GRID2: variants seen among roughly 807,000 people sequenced by gnomAD.
GRID2 encodes the protein glutamate ionotropic receptor delta type subunit 2.
GRID2 carries 33 observed loss-of-function variants against 114.8 expected under a neutral mutation model. The observed-to-expected ratio is 0.29, with a 90% CI of 0.22 to 0.38. The LOEUF is 0.38. GRID2 is among the 10% of genes least tolerant of loss of function. GRID2 has a pLI of 1.00. For missense variants in GRID2, 1,184 were observed against 1,257.7 expected (o/e 0.94, Z 0.89); for synonymous variants, 505 against 449.9 (o/e 1.12, Z -1.55).
chr4:92,589,549 T>C (rs1364853610), intron 1 of GRID2, among the ~76,000 whole-genome samples: 1 of 152,216 alleles, frequency 6.6e-6, no homozygotes, highest in East Asian at 1.9e-4. Flanking sequence ...ATTAGTTCCT[T>C]GAGAAATATT....
At chr4:92,711,732 G>C (rs1735264004) in intron 2 of GRID2, among the ~76,000 whole-genome samples, 1 of 151,982 alleles carries the variant, frequency 6.6e-6, no homozygotes, top group Non-Finnish European at 1.5e-5. Context: ...GTAAAACTCT[G>C]TCTTTACAAA....
rs1420835460 is a variant in GRID2, at chr4:93,229,145, TA to T, written c.1125+4375del. ...TTTGTCTCACATTTCAAACTGACTT[TA>T]AAAATGGATTTTTAGAAAAAAAAAT... On this transcript the variant is annotated intron_variant, in intron 7 of 15. Coordinates refer to ENST00000282020, the MANE Select transcript of GRID2 (RefSeq NM_001510.4). Among the ~76,000 whole-genome samples, 3 of 152,230 alleles carry T rather than the reference TA, an allele frequency of 2.0e-5. No homozygotes were observed. In the East Asian group the frequency reaches 5.8e-4, roughly 29 times the overall value.
intron 2 of GRID2, among the ~76,000 whole-genome samples, chr4:92,766,305 G>A (rs1353567404): frequency 1.3e-5 from 2 of 152,060 alleles, no homozygotes; most frequent in South Asian, 2.1e-4. Flanking sequence ...TTGGGAGGCC[G>A]AGGTGGGAGG....
At chr4:92,370,144 T>C (rs1729052929) in intron 1 of GRID2, among the ~76,000 whole-genome samples, 1 of 152,198 alleles carries the variant, frequency 6.6e-6, no homozygotes, top group Non-Finnish European at 1.5e-5. Flanking sequence ...TATTTCAAAC[T>C]TTTTTAATTA....
chr4:93,200,883 C>T (rs1328426445), intron 4 of GRID2, among the ~76,000 whole-genome samples: 5 of 152,124 alleles, frequency 3.3e-5, no homozygotes, highest in Non-Finnish European at 5.9e-5. Flanking sequence ...ATTCTATAAT[C>T]CAAATATCTT....
intron 1 of GRID2, among the ~76,000 whole-genome samples, chr4:92,447,222 AG>A (rs1200379626): frequency 7.9e-5 from 12 of 152,228 alleles, no homozygotes; most frequent in Admixed American, 7.9e-4. Context: ...CCTCAAAAAT[AG>A]ATTTGCTTTG....
intron 2 of GRID2, among the ~76,000 whole-genome samples, chr4:93,024,451 G>A (rs1034964872): frequency 2.0e-5 from 3 of 151,764 alleles, no homozygotes; most frequent in African/African-American, 4.8e-5. Flanking sequence ...GACTTCTAGA[G>A]ATTTAAAATT....
At chr4:93,756,895 T>C (rs959470762) in intron 14 of GRID2, among the ~76,000 whole-genome samples, 12 of 151,936 alleles carry the variant, frequency 7.9e-5, no homozygotes, top group African/African-American at 2.7e-4. Flanking sequence ...CCTCAAGGAG[T>C]TGATAGCCTG....
chr4:92,621,537 C>T (rs779172046), intron 2 of GRID2, among the ~76,000 whole-genome samples: 1 of 151,564 alleles, frequency 6.6e-6, no homozygotes, highest in Admixed American at 6.6e-5. Context: ...TTGGTGCATA[C>T]CTATAGTCCC....
chr4:92,923,011 A>G (rs535403931), intron 2 of GRID2, among the ~76,000 whole-genome samples: 12 of 152,214 alleles, frequency 7.9e-5, no homozygotes, highest in Non-Finnish European at 1.5e-4. Flanking sequence ...TAAACTTTAC[A>G]TATGAATTTT....
intron 4 of GRID2, among the ~76,000 whole-genome samples, chr4:93,159,854 A>G (rs928795611): frequency 6.6e-6 from 1 of 151,754 alleles, no homozygotes; most frequent in African/African-American, 2.4e-5. Context: ...ATAATTGTAC[A>G]AAACTAAAGT....
intron 1 of GRID2, among the ~76,000 whole-genome samples, chr4:92,471,966 C>G (rs1319661963): frequency 2.0e-5 from 2 of 102,412 alleles, no homozygotes; most frequent in African/African-American, 8.8e-5. Flanking sequence ...CGGAGTCTCG[C>G]TCTGTCGCCC....
rs1375319758 is a variant in GRID2, at chr4:92,714,712, AAAGCCAC to A, written c.244+124435_244+124441del. On this transcript the variant is annotated intron_variant, in intron 2 of 15. Coordinates refer to ENST00000282020, the MANE Select transcript of GRID2 (RefSeq NM_001510.4). ...CCAAGGCTTGGGGCTTGCACCCTCT[AAAGCCAC>A]AAGCCACAGCTTGAGCTGGACCTTG... is the stretch of plus-strand genomic sequence containing the variant. Among the ~76,000 whole-genome samples, 25 of 152,282 alleles carry A rather than the reference AAAGCCAC, an allele frequency of 1.6e-4. No homozygotes were observed. The East Asian group carries it at 2.7e-3, about 17-fold the overall frequency.
At chr4:93,731,423 G>A (rs551068734) in intron 14 of GRID2, among the ~76,000 whole-genome samples, 1 of 152,278 alleles carries the variant, frequency 6.6e-6, no homozygotes, top group African/African-American at 2.4e-5. Flanking sequence ...GAAGATGTTG[G>A]TGACAATGAG....
At chr4:92,515,125 A>G (rs1316608429) in intron 1 of GRID2, among the ~76,000 whole-genome samples, 2 of 150,906 alleles carry the variant, frequency 1.3e-5, no homozygotes, top group Non-Finnish European at 1.5e-5. Flanking sequence ...TATTGACGTG[A>G]TGACTTAGTA....
intron 14 of GRID2, among the ~76,000 whole-genome samples, chr4:93,653,616 A>T (rs1437677409): frequency 6.6e-6 from 1 of 152,160 alleles, no homozygotes; most frequent in Non-Finnish European, 1.5e-5. Flanking sequence ...AAATGTAGTT[A>T]GCTAAGAGAA....
chr4:93,412,648 G>C (rs1767315181), intron 9 of GRID2, among the ~76,000 whole-genome samples: 1 of 151,942 alleles, frequency 6.6e-6, no homozygotes, highest in Non-Finnish European at 1.5e-5. Context: ...TGTTACATAG[G>C]TATACATGTG....
At chr4:93,633,228 G>A (rs926244275) in intron 14 of GRID2, among the ~76,000 whole-genome samples, 2 of 151,390 alleles carry the variant, frequency 1.3e-5, no homozygotes, top group African/African-American at 4.9e-5. Context: ...TAAACTATTA[G>A]AATATTTAAT....
rs554308503 is a variant in GRID2, at chr4:92,358,329, GAGTT to G, written c.88+53590_88+53593del. On this transcript the variant is annotated intron_variant, in intron 1 of 15. Transcript: ENST00000282020. ...CATACTATATATAACATATTGTGGAGAGTTAGTTGGTAGAAGAAGAGATTGAATA... is the reference window on the plus strand; with the variant it reads ...CATACTATATATAACATATTGTGGAGAGTTGGTAGAAGAAGAGATTGAATA... 1.9e-4 allele frequency among the ~76,000 whole-genome samples: 29 copies of G among 152,066 alleles called. No individual in the cohort carries two copies. In the South Asian group the frequency reaches 4.4e-3, roughly 23 times the overall value.
Sources: gnomAD v4.1 joint callset for allele counts (sites outside exome capture counted in the v4.1 genomes callset) on GRCh38, gnomAD v4.1.1 for gene constraint, MANE v1.5 for transcripts, NCBI Gene and HGNC (gene_info 2026-07-23, HGNC 2026-07-21) for gene names.